The following ZFHX3 variants were observed in gnomAD, a reference collection of about 807,000 sequenced individuals.
ZFHX3 encodes the protein zinc finger homeobox protein 3.
In ZFHX3, 42 loss-of-function variants were observed where a neutral mutation model predicts 279.1. The ratio of observed to expected loss-of-function variants is 0.15; its 90% CI spans 0.12 to 0.19. The LOEUF (loss-of-function observed/expected upper bound fraction) is 0.19, where lower values mean the gene tolerates loss of function less well. Ranked by LOEUF, ZFHX3 falls within the 10% of genes least tolerant of loss-of-function variation. ZFHX3 has a pLI of 1.00. For missense variants in ZFHX3, 4,981 were observed against 4,754.0 expected (o/e 1.05, Z -1.40); for synonymous variants, 2,293 against 1,957.8 (o/e 1.17, Z -4.52).
At chr16:73,612,821 C>G (rs2052260597) in intron 2 of ZFHX3, among the ~76,000 whole-genome samples, 1 of 151,890 alleles carries the variant, frequency 6.6e-6, no homozygotes, top group African/African-American at 2.4e-5. Flanking sequence ...GAGAAACACA[C>G]ACTGTAAACG....
intron 8 of ZFHX3, among the ~76,000 whole-genome samples, chr16:72,799,738 G>C (rs1056824427): frequency 3.3e-5 from 5 of 152,174 alleles, no homozygotes; most frequent in African/African-American, 1.2e-4. Context: ...TACTGACTGA[G>C]TCTCTGGTTA....
intron 1 of ZFHX3, among the ~76,000 whole-genome samples, chr16:73,695,935 G>C (rs927474701): frequency 2.0e-5 from 3 of 152,208 alleles, no homozygotes; most frequent in Non-Finnish European, 4.4e-5. Flanking sequence ...ACAAAGGAGA[G>C]GGGGTAAGGG....
At chr16:73,856,601 G>T (rs1486938729) in intron 1 of ZFHX3, among the ~76,000 whole-genome samples, 5 of 152,084 alleles carry the variant, frequency 3.3e-5, no homozygotes, top group Non-Finnish European at 7.4e-5. Flanking sequence ...TAATGGATTT[G>T]AAGAAATCCA....
chr16:72,985,697 TCTC>T (rs1962812903), intron 1 of ZFHX3, among the ~76,000 whole-genome samples: 1 of 152,046 alleles, frequency 6.6e-6, no homozygotes, highest in South Asian at 2.1e-4. Context: ...AACCCTCCCT[TCTC>T]CTGGACGCTC....
At chr16:73,294,397 T>A (rs189010530) in intron 4 of ZFHX3, 28 of 152,366 alleles carry the variant, frequency 1.8e-4, no homozygotes, top group African/African-American at 6.0e-4. Flanking sequence ...GCTGTTCATA[T>A]TGAAGTTTTC....
At position 73,613,233 on chromosome 16, in the gene ZFHX3, A is replaced by G. The variant is rs116675779; in HGVS notation, c.-1547+66947T>C. On this transcript the variant is annotated intron_variant, in intron 2 of 17. Transcript: ENST00000641206. ...TTTCACCTGGACCCGCCAGAGCTGC[A>G]TCCTCTTTTGGAGTAGTTGAGGCTC... Among the ~76,000 whole-genome samples the G allele has an allele frequency of 9.7e-3, 1,473 of 152,348 alleles. 23 individuals are homozygous for G. Among genetic ancestry groups the G allele is most frequent in the African/African-American group, 0.034 (1,417 of 41,578 alleles).
At chr16:73,271,104 G>C (rs1195687993) in intron 4 of ZFHX3, among the ~76,000 whole-genome samples, 1 of 152,186 alleles carries the variant, frequency 6.6e-6, no homozygotes, top group Non-Finnish European at 1.5e-5. Flanking sequence ...GTGTGGCCCA[G>C]GCCCTGGCAA....
chr16:73,316,604 C>T (rs2015454995), intron 4 of ZFHX3, among the ~76,000 whole-genome samples: 1 of 152,254 alleles, frequency 6.6e-6, no homozygotes, highest in African/African-American at 2.4e-5. Flanking sequence ...TTCCATGTGC[C>T]TTGAAAGAAA....
intron 2 of ZFHX3, among the ~76,000 whole-genome samples, chr16:73,647,516 G>A (rs536887551): frequency 6.6e-6 from 1 of 152,138 alleles, no homozygotes; most frequent in Non-Finnish European, 1.5e-5. Context: ...TTCACCTTCC[G>A]CCATGATTGT....
At chr16:73,004,987 A>G (rs1385246295) in intron 1 of ZFHX3, among the ~76,000 whole-genome samples, 1 of 152,212 alleles carries the variant, frequency 6.6e-6, no homozygotes, top group Non-Finnish European at 1.5e-5. Context: ...TCCTACAACC[A>G]TTTATTGCAT....
At chr16:73,446,113 CAA>C (rs1051348993) in intron 3 of ZFHX3, among the ~76,000 whole-genome samples, 2 of 152,126 alleles carry the variant, frequency 1.3e-5, no homozygotes, top group Admixed American at 6.5e-5. Flanking sequence ...CTCAGTAACA[CAA>C]AGTTATGGTC....
intron 2 of ZFHX3, among the ~76,000 whole-genome samples, chr16:73,642,151 C>T (rs985703269): frequency 1.3e-5 from 2 of 152,176 alleles, no homozygotes; most frequent in Admixed American, 6.5e-5. Context: ...CCCAGTCTCT[C>T]GTGAAAGCAG....
intron 5 of ZFHX3, among the ~76,000 whole-genome samples, chr16:73,195,848 G>A (rs748999828): frequency 3.9e-5 from 6 of 152,180 alleles, no homozygotes; most frequent in African/African-American, 7.2e-5. Context: ...GAACAGGTGG[G>A]AGAGAAGCGG....
At chr16:73,139,367 T>C (rs1157926017) in intron 6 of ZFHX3, among the ~76,000 whole-genome samples, 2 of 152,216 alleles carry the variant, frequency 1.3e-5, no homozygotes, top group Admixed American at 6.5e-5. Flanking sequence ...ATAGGAGATA[T>C]CTGATAGGAC....
intron 5 of ZFHX3, 53 bp downstream of exon 5, chr16:72,829,726 G>A (rs2037019565): frequency 2.5e-6 from 4 of 1,592,784 alleles, no homozygotes; most frequent in Non-Finnish European, 3.4e-6. Flanking sequence ...AAGATGAGAA[G>A]GCTCAAGGAC....
intron 5 of ZFHX3, among the ~76,000 whole-genome samples, chr16:73,154,610 A>T (rs1567404357): frequency 6.6e-6 from 1 of 152,208 alleles, no homozygotes. Context: ...GTGACTCTGC[A>T]GTAGGTTTAA....
chr16:73,802,875 T>C (rs928665113), intron 1 of ZFHX3, among the ~76,000 whole-genome samples: 3 of 152,242 alleles, frequency 2.0e-5, no homozygotes, highest in African/African-American at 7.2e-5. Flanking sequence ...TAGAGTGCAA[T>C]GGCACAATCT....
intron 7 of ZFHX3, among the ~76,000 whole-genome samples, chr16:73,110,391 C>A (rs1432789993): frequency 6.6e-5 from 10 of 151,882 alleles, no homozygotes. Flanking sequence ...TTGTTTGTGA[C>A]AATTCAATTG....
chr16:73,469,628 T>TA (rs59521048), intron 2 of ZFHX3, among the ~76,000 whole-genome samples: 3,859 of 148,580 alleles, frequency 0.026, 168 homozygotes, highest in African/African-American at 0.088. Context: ...TATATATATA[T>TA]TTTTTTTGAG....
Sources: allele counts gnomAD v4.1 joint callset (sites outside exome capture counted in the v4.1 genomes callset), GRCh38; gene constraint gnomAD v4.1.1; transcripts MANE v1.5; gene names NCBI Gene and HGNC (gene_info 2026-07-23, HGNC 2026-07-21).